SLC9D1: variants seen among roughly 807,000 people sequenced by gnomAD.
SLC9D1 encodes putative LAG1-interacting protein.
At chr13:113,498,239 A>G in the SLC9D1 span, 1 of 863,110 alleles carries the variant, frequency 1.2e-6, no homozygotes, top group Non-Finnish European at 1.7e-6. Flanking sequence ...AGTTATTGAC[A>G]TATGAACAGG....
At chr13:113,539,336 G>A in the SLC9D1 span, 1 of 1,608,616 alleles carries the variant, frequency 6.2e-7, no homozygotes. This position sits in a 1 kb window ranked among gnomAD's most constrained non-coding sequence, Gnocchi z 4.8. Context: ...CTCATGTAAA[G>A]CTGCGTCCTG....
At chr13:113,498,178 A>G in the SLC9D1 span, among the ~76,000 whole-genome samples, 1 of 152,244 alleles carries the variant, frequency 6.6e-6, no homozygotes, top group Non-Finnish European at 1.5e-5. Flanking sequence ...GGCTAAGCTC[A>G]GTTATGTTTG....
the SLC9D1 span, among the ~76,000 whole-genome samples, chr13:113,532,747 C>G: frequency 6.6e-6 from 1 of 152,112 alleles, no homozygotes; most frequent in South Asian, 2.1e-4. Flanking sequence ...GACTTGGGCC[C>G]TGCAGTGAGC....
the SLC9D1 span, among the ~76,000 whole-genome samples, chr13:113,532,640 C>T: frequency 6.6e-6 from 1 of 151,622 alleles, no homozygotes; most frequent in Non-Finnish European, 1.5e-5. Context: ...GGCAGTGTGG[C>T]AAAGCTGTCA....
the SLC9D1 span, among the ~76,000 whole-genome samples, chr13:113,508,735 C>T: frequency 2.0e-5 from 3 of 152,194 alleles, no homozygotes; most frequent in African/African-American, 7.2e-5. Context: ...TCCGGAAGCT[C>T]CATGGTGGAC....
the SLC9D1 span, chr13:113,539,483 G>GC: frequency 6.2e-7 from 1 of 1,612,994 alleles, no homozygotes. The surrounding 1 kb of genome is among the most constrained non-coding windows in gnomAD (Gnocchi z 4.8). Flanking sequence ...CGACTTCCTG[G>GC]CCATCGTTTT....
the SLC9D1 span, among the ~76,000 whole-genome samples, chr13:113,544,782 T>G: frequency 6.6e-6 from 1 of 152,212 alleles, no homozygotes; most frequent in East Asian, 1.9e-4. Context: ...TCATTTTGCC[T>G]TAAGTAGCTC....
the SLC9D1 span, chr13:113,505,756 G>GT: frequency 6.6e-6 from 1 of 152,294 alleles, no homozygotes; most frequent in East Asian, 1.9e-4. Context: ...AAAGGCTTGT[G>GT]TTTACTTTCA....
the SLC9D1 span, chr13:113,503,366 TG>T: frequency 9.8e-6 from 6 of 614,564 alleles, no homozygotes; most frequent in South Asian, 1.2e-4. Context: ...TGTGTGTGTG[TG>T]TGTGTGTGTG....
chr13:113,523,989 T>A, the SLC9D1 span: 1 of 397,316 alleles, frequency 2.5e-6, no homozygotes, highest in African/African-American at 2.1e-5. Flanking sequence ...TTTGTATGAT[T>A]TCAGTTCTTC....
chr13:113,538,231 TTGTGTGGTGTG>T, the SLC9D1 span, among the ~76,000 whole-genome samples: 1 of 85,872 alleles, frequency 1.2e-5, no homozygotes, highest in Non-Finnish European at 2.1e-5. Flanking sequence ...CATATGTGCT[TTGTGTGGTGTG>T]TGTGTGGTAT....
the SLC9D1 span, chr13:113,500,127 G>T: frequency 6.5e-7 from 1 of 1,536,038 alleles, no homozygotes; most frequent in South Asian, 1.3e-5. Flanking sequence ...ACCATCCCAC[G>T]TGCAGATCAC....
At chr13:113,549,373 A>C in the SLC9D1 span, 1 of 1,596,196 alleles carries the variant, frequency 6.3e-7, no homozygotes, top group Admixed American at 1.7e-5. Context: ...TTCCTGTTGC[A>C]GGTGCTAGTC....
the SLC9D1 span, among the ~76,000 whole-genome samples, chr13:113,533,616 G>A: frequency 2.6e-5 from 4 of 152,228 alleles, no homozygotes; most frequent in Admixed American, 6.5e-5. Context: ...AGACCTCAGA[G>A]CTGGCTGCCT....
At chr13:113,522,992 A>T in the SLC9D1 span, among the ~76,000 whole-genome samples, 2 of 152,162 alleles carry the variant, frequency 1.3e-5, no homozygotes, top group Non-Finnish European at 2.9e-5. Context: ...CCAGCCTTGC[A>T]TACCTGGGAT....
At chr13:113,520,313 G>A in the SLC9D1 span, among the ~76,000 whole-genome samples, 7 of 151,922 alleles carry the variant, frequency 4.6e-5, no homozygotes, top group Middle Eastern at 3.4e-3. Flanking sequence ...GTGAAACCCC[G>A]TCTCTACTAA....
the SLC9D1 span, chr13:113,520,408 C>T: frequency 8.3e-5 from 32 of 387,102 alleles, no homozygotes; most frequent in African/African-American, 4.2e-4. Context: ...CACTTGAACC[C>T]GGGAGGTGGA....
chr13:113,539,109 T>C, the SLC9D1 span, among the ~76,000 whole-genome samples: 2 of 152,258 alleles, frequency 1.3e-5, no homozygotes, highest in Admixed American at 6.5e-5. The surrounding 1 kb of genome is among the most constrained non-coding windows in gnomAD (Gnocchi z 4.8). Context: ...GCAATCTGTA[T>C]GGATATTTGT....
the SLC9D1 span, chr13:113,501,893 T>C: frequency 1.9e-6 from 3 of 1,594,356 alleles, no homozygotes; most frequent in Admixed American, 3.4e-5. Flanking sequence ...AAGAACAAAA[T>C]TGGATTGTTT....
Sources: gnomAD v4.1 joint callset for allele counts (sites outside exome capture counted in the v4.1 genomes callset) on GRCh38, gnomAD v4.1.1 for gene constraint, Gnocchi (gnomAD v3.1) non-coding constraint, MANE v1.5 for transcripts, NCBI Gene and HGNC (gene_info 2026-07-23, HGNC 2026-07-21) for gene names.